Variants in AGBL1 observed in about 807,000 individuals in gnomAD.
The protein encoded by AGBL1 is AGBL carboxypeptidase 1.
In AGBL1, 130 loss-of-function variants were observed where a neutral mutation model predicts 118.9. The ratio of observed to expected loss-of-function variants is 1.09; its 90% CI spans 0.95 to 1.26. The LOEUF (loss-of-function observed/expected upper bound fraction) is 1.26. Among genes scored for constraint, AGBL1 ranks in the 50% most tolerant of loss-of-function variants. The pLI is 0.00. For missense variants in AGBL1, 1,584 were observed against 1,298.1 expected (o/e 1.22, Z -3.38); for synonymous variants, 555 against 478.9 (o/e 1.16, Z -2.08).
At chr15:86,414,720 G>A (rs544880444) in intron 18 of AGBL1, among the ~76,000 whole-genome samples, 2 of 152,282 alleles carry the variant, frequency 1.3e-5, no homozygotes, top group African/African-American at 4.8e-5. Context: ...ATTTGTTGAA[G>A]TACACCTAAA....
chr15:86,210,075 G>T (rs1034591633), intron 5 of AGBL1, among the ~76,000 whole-genome samples: 1 of 152,120 alleles, frequency 6.6e-6, no homozygotes, highest in Non-Finnish European at 1.5e-5. Context: ...CACTTATGAA[G>T]CTTAGTTTGG....
intron 1 of AGBL1, among the ~76,000 whole-genome samples, chr15:86,111,196 C>T (rs1897359857): frequency 6.6e-6 from 1 of 152,220 alleles, no homozygotes; most frequent in African/African-American, 2.4e-5. Flanking sequence ...GGGAGGATTC[C>T]ATGACCTTCT....
chr15:86,904,247 G>A (rs1368106195), intron 22 of AGBL1, among the ~76,000 whole-genome samples: 1 of 152,136 alleles, frequency 6.6e-6, no homozygotes, highest in East Asian at 1.9e-4. Flanking sequence ...GAAACCCAGA[G>A]AGATCATTGC....
intron 16 of AGBL1, among the ~76,000 whole-genome samples, chr15:86,288,589 C>G (rs1268982438): frequency 6.6e-6 from 1 of 151,750 alleles, no homozygotes; most frequent in Non-Finnish European, 1.5e-5. Flanking sequence ...TGTATAATTT[C>G]TGCTTTTTTG....
chr15:86,338,888 T>C (rs1567206559), intron 17 of AGBL1, among the ~76,000 whole-genome samples: 1 of 152,172 alleles, frequency 6.6e-6, no homozygotes, highest in Non-Finnish European at 1.5e-5. Flanking sequence ...CCATTATATG[T>C]CATGTTAACT....
At chr15:86,918,273 G>A (rs2080448972), downstream of AGBL1, among the ~76,000 whole-genome samples, 1 of 152,164 alleles carries the variant, frequency 6.6e-6, no homozygotes, top group Non-Finnish European at 1.5e-5. Flanking sequence ...ACAAAGTCTG[G>A]GAGATAGTTA....
At chr15:87,015,423 G>T (rs1421606723) in intron 24 of AGBL1, among the ~76,000 whole-genome samples, 1 of 151,626 alleles carries the variant, frequency 6.6e-6, no homozygotes, top group East Asian at 1.9e-4. Context: ...CTGTCCTATT[G>T]GCTCCTTCTC....
chr15:86,798,628 T>C (rs1011121751), intron 22 of AGBL1, among the ~76,000 whole-genome samples: 8 of 151,622 alleles, frequency 5.3e-5, no homozygotes, highest in Non-Finnish European at 7.4e-5. Context: ...ATAAATATTA[T>C]TTATTTCAAC....
chr15:86,587,387 G>T (rs12441732), intron 21 of AGBL1, among the ~76,000 whole-genome samples: 43,778 of 151,988 alleles, frequency 0.29, 6,514 homozygotes, highest in East Asian at 0.46. Flanking sequence ...GATGGAATCC[G>T]AGCTCACCTG....
chr15:86,202,093 C>T (rs1019296161), intron 5 of AGBL1, among the ~76,000 whole-genome samples: 1 of 152,022 alleles, frequency 6.6e-6, no homozygotes, highest in Non-Finnish European at 1.5e-5. Flanking sequence ...AGGAGTTCGA[C>T]ACCAGCCTGG....
intron 1 of AGBL1, among the ~76,000 whole-genome samples, chr15:86,087,226 T>C (rs1438714252): frequency 6.6e-6 from 1 of 152,228 alleles, no homozygotes; most frequent in Non-Finnish European, 1.5e-5. Flanking sequence ...TTCCCTCTTC[T>C]TGGTCCTTTT....
intron 18 of AGBL1, among the ~76,000 whole-genome samples, chr15:86,467,304 A>G (rs2082419810): frequency 6.6e-6 from 1 of 152,162 alleles, no homozygotes; most frequent in Non-Finnish European, 1.5e-5. Context: ...AGCCTCAGCA[A>G]TGGCGGACAC....
chr15:86,295,445 C>G, intron 17 of AGBL1, 37 bp downstream of exon 17: 1 of 1,524,836 alleles, frequency 6.6e-7, no homozygotes. Context: ...GAAGATTTGA[C>G]TAAGGGTGTC....
chr15:86,516,009 G>A (rs1337784194), intron 18 of AGBL1, among the ~76,000 whole-genome samples: 1 of 152,110 alleles, frequency 6.6e-6, no homozygotes, highest in African/African-American at 2.4e-5. Context: ...GCGGGGGAGG[G>A]AGCTTCCAGG....
chr15:86,402,761 T>C (rs1290519714), intron 18 of AGBL1, among the ~76,000 whole-genome samples: 6 of 151,956 alleles, frequency 3.9e-5, no homozygotes, highest in Non-Finnish European at 8.8e-5. Context: ...TTGATAAGAG[T>C]GTCCAGTGAA....
chr15:86,387,095 G>A (rs939127207), intron 17 of AGBL1, among the ~76,000 whole-genome samples: 1 of 152,102 alleles, frequency 6.6e-6, no homozygotes, highest in African/African-American at 2.4e-5. Context: ...TATGAAAATG[G>A]ATTCTAGGGT....
intron 22 of AGBL1, among the ~76,000 whole-genome samples, chr15:86,679,770 T>A (rs1265140452): frequency 4.6e-5 from 7 of 152,174 alleles, no homozygotes; most frequent in African/African-American, 1.7e-4. Context: ...ATTAGATGAT[T>A]AATTTTATCA....
At chr15:86,282,200 GAGA>G (rs973041601) in intron 16 of AGBL1, among the ~76,000 whole-genome samples, 8 of 152,098 alleles carry the variant, frequency 5.3e-5, no homozygotes, top group Non-Finnish European at 1.2e-4. Flanking sequence ...GGTCAATGAG[GAGA>G]AGATTTCATG....
chr15:86,775,983 A>G (rs1277296077), intron 22 of AGBL1, among the ~76,000 whole-genome samples: 1 of 152,108 alleles, frequency 6.6e-6, no homozygotes. Context: ...TACCTTTGCT[A>G]GACGTAAGTG....
Sources: gnomAD v4.1 joint callset for allele counts (sites outside exome capture counted in the v4.1 genomes callset) on GRCh38, gnomAD v4.1.1 for gene constraint, MANE v1.5 for transcripts, NCBI Gene and HGNC (gene_info 2026-07-23, HGNC 2026-07-21) for gene names.